Variants in NAALADL2 observed in about 807,000 individuals in gnomAD.
The protein encoded by NAALADL2 is N-acetylated alpha-linked acidic dipeptidase like 2, also known as inactive N-acetylated-alpha-linked acidic dipeptidase-like protein 2.
NAALADL2 carries 76 observed loss-of-function variants against 87.2 expected under a neutral mutation model. The observed-to-expected ratio is 0.87, with a 90% CI of 0.72 to 1.05. The LOEUF is 1.05. NAALADL2 is among the 50% of genes least tolerant of loss of function. The pLI, the probability that NAALADL2 is intolerant of heterozygous loss-of-function variation, is 0.00. For synonymous variants in NAALADL2, 354 were observed against 331.0 expected (o/e 1.07, Z -0.75); for missense variants, 1,089 against 945.8 (o/e 1.15, Z -1.99).
At chr3:174,532,185 G>A (rs1721310065) in intron 1 of NAALADL2, among the ~76,000 whole-genome samples, 1 of 152,188 alleles carries the variant, frequency 6.6e-6, no homozygotes, top group African/African-American at 2.4e-5. Flanking sequence ...GGGGGAAGGA[G>A]AAGGGGAAGG....
intron 2 of NAALADL2, among the ~76,000 whole-genome samples, chr3:175,114,915 C>G (rs1310964285): frequency 6.6e-6 from 1 of 151,554 alleles, no homozygotes; most frequent in Non-Finnish European, 1.5e-5. Flanking sequence ...CAAAAGAAAA[C>G]TTTATAGTTT....
At chr3:174,917,970 A>G (rs1181625714) in intron 1 of NAALADL2, among the ~76,000 whole-genome samples, 1 of 152,158 alleles carries the variant, frequency 6.6e-6, no homozygotes, top group African/African-American at 2.4e-5. Context: ...GTAGAAGTGT[A>G]TTATAGTATA....
intron 1 of NAALADL2, among the ~76,000 whole-genome samples, chr3:175,007,149 A>T (rs1749142062): frequency 8.3e-6 from 1 of 120,676 alleles, no homozygotes; most frequent in Non-Finnish European, 1.6e-5. Context: ...CTTTTATAGG[A>T]TAAAAAAAAA....
intron 13 of NAALADL2, among the ~76,000 whole-genome samples, chr3:175,780,270 T>C (rs370668543): frequency 5.3e-5 from 8 of 150,914 alleles, no homozygotes; most frequent in African/African-American, 7.3e-5. Flanking sequence ...AGCGAGACTC[T>C]GTCTCAAAAA....
chr3:175,425,848 T>A (rs1360953113), intron 5 of NAALADL2, among the ~76,000 whole-genome samples: 1 of 152,178 alleles, frequency 6.6e-6, no homozygotes, highest in East Asian at 1.9e-4. Flanking sequence ...AATATAAATA[T>A]ATTTAAGTAA....
intron 1 of NAALADL2, among the ~76,000 whole-genome samples, chr3:174,511,283 A>C (rs768959134): frequency 6.6e-6 from 1 of 151,886 alleles, no homozygotes; most frequent in African/African-American, 2.4e-5. Flanking sequence ...TCTAATTTAC[A>C]TATTTTCTAG....
At chr3:175,479,556 A>G (rs951154084) in intron 9 of NAALADL2, among the ~76,000 whole-genome samples, 4 of 151,804 alleles carry the variant, frequency 2.6e-5, no homozygotes, top group Non-Finnish European at 3.0e-5. Context: ...GAAGTTTCCA[A>G]TATCTTCACT....
At chr3:174,797,634 G>A (rs1169866692) in intron 3 of NAALADL2, among the ~76,000 whole-genome samples, 1 of 152,010 alleles carries the variant, frequency 6.6e-6, no homozygotes, top group Non-Finnish European at 1.5e-5. Flanking sequence ...GATGCCTCCT[G>A]CTTTGTTCAG....
chr3:175,674,556 G>C (rs1734500289), intron 11 of NAALADL2, among the ~76,000 whole-genome samples: 1 of 152,000 alleles, frequency 6.6e-6, no homozygotes, highest in African/African-American at 2.4e-5. Flanking sequence ...GAGCCACCGT[G>C]CCCGGCGACA....
In NAALADL2 at chr3:175,579,951, T is replaced by A. The variant is rs117512262; in HGVS notation, c.1800+3764T>A. 5.3e-4 allele frequency among the ~76,000 whole-genome samples: 80 copies of A among 152,322 alleles called. 2 individuals carry two copies. The East Asian group carries it at 0.012, about 22-fold the overall frequency. On this transcript the variant is annotated intron_variant, in intron 10 of 13. Transcript: ENST00000454872. ...AAATTGAAGCTCTGATTCCTCACTC[T>A]GTTTAACCTTATACTTTTCGCTGTT...
intron 2 of NAALADL2, among the ~76,000 whole-genome samples, chr3:174,667,139 A>T (rs1207291923): frequency 2.0e-5 from 3 of 152,166 alleles, no homozygotes; most frequent in Non-Finnish European, 4.4e-5. Context: ...GCTGCATTGA[A>T]CAAGTATCTC....
chr3:174,805,609 T>G (rs1162902521), intron 3 of NAALADL2, among the ~76,000 whole-genome samples: 7 of 152,192 alleles, frequency 4.6e-5, no homozygotes, highest in Non-Finnish European at 1.0e-4. Flanking sequence ...GTGAAGTCTC[T>G]ATTGTGGTAT....
intron 2 of NAALADL2, among the ~76,000 whole-genome samples, chr3:174,589,117 G>C (rs957961894): frequency 2.0e-5 from 3 of 152,126 alleles, no homozygotes; most frequent in African/African-American, 7.2e-5. Flanking sequence ...CTTGCAGTTC[G>C]ATCTCAGACT....
At chr3:175,624,076 A>G (rs1440977049) in intron 10 of NAALADL2, among the ~76,000 whole-genome samples, 4 of 151,876 alleles carry the variant, frequency 2.6e-5, no homozygotes, top group Non-Finnish European at 5.9e-5. Flanking sequence ...CTAGAAATAA[A>G]CAAACGAAAA....
At chr3:174,740,699 A>C (rs1188786129) in intron 3 of NAALADL2, among the ~76,000 whole-genome samples, 1 of 151,880 alleles carries the variant, frequency 6.6e-6, no homozygotes, top group African/African-American at 2.4e-5. Context: ...GCCATAGCTA[A>C]GTATAATCTA....
At chr3:175,700,968 T>C (rs1285517093) in intron 11 of NAALADL2, among the ~76,000 whole-genome samples, 1 of 151,978 alleles carries the variant, frequency 6.6e-6, no homozygotes, top group Admixed American at 6.6e-5. Context: ...GGTAATGAAA[T>C]GGTACTATGG....
chr3:174,899,120 C>T (rs1402175871), intron 1 of NAALADL2, among the ~76,000 whole-genome samples: 1 of 152,128 alleles, frequency 6.6e-6, no homozygotes, highest in Non-Finnish European at 1.5e-5. Flanking sequence ...CCTCAGCGAA[C>T]ATTAAAACTA....
At chr3:175,201,171 C>T (rs1348397060) in intron 2 of NAALADL2, among the ~76,000 whole-genome samples, 2 of 152,162 alleles carry the variant, frequency 1.3e-5, no homozygotes, top group African/African-American at 2.4e-5. Flanking sequence ...CACATCTTCA[C>T]TCTATGTATC....
chr3:174,592,496 G>A (rs1717479582), intron 2 of NAALADL2, among the ~76,000 whole-genome samples: 1 of 152,114 alleles, frequency 6.6e-6, no homozygotes, highest in South Asian at 2.1e-4. Flanking sequence ...TGGGACCTGT[G>A]CTCAGGAATG....
Sources: gnomAD v4.1 joint callset for allele counts (sites outside exome capture counted in the v4.1 genomes callset) on GRCh38, gnomAD v4.1.1 for gene constraint, MANE v1.5 for transcripts, NCBI Gene and HGNC (gene_info 2026-07-23, HGNC 2026-07-21) for gene names.